The following S100A6 variants were observed in gnomAD, a reference collection of about 807,000 sequenced individuals.
S100A6 encodes the protein S100 calcium binding protein A6, also known as protein S100-A6.
Under a neutral mutation model 3.5 loss-of-function variants are expected in S100A6, and 3 were observed. The observed-to-expected ratio is 0.87, with a 90% CI of 0.39 to 2.24. The LOEUF is 2.24. Among genes scored for constraint, S100A6 ranks in the 30% most tolerant of loss-of-function variants. S100A6 has a pLI of 0.05. For synonymous variants in S100A6, 48 were observed against 45.2 expected, an observed-to-expected ratio of 1.06 and a Z score of -0.25; for missense variants, 114 against 105.3, an observed-to-expected ratio of 1.08 and a Z score of -0.36.
intron 2 of S100A6, 179 bp downstream of exon 2, chr1:153,535,023 G>C: frequency 9.1e-7 from 1 of 1,102,918 alleles, no homozygotes; most frequent in Non-Finnish European, 1.3e-6. Flanking sequence ...ATGGATATCC[G>C]GCTGGAAGCA....
At chr1:153,534,852 T>TCCA in intron 2 of S100A6, 22 bp from the exon 3 acceptor site, 2 of 1,605,018 alleles carry the variant, frequency 1.2e-6, no homozygotes, top group Non-Finnish European at 1.7e-6. Flanking sequence ...GAATGTGAAA[T>TCCA]CCATACTCAG....
intron 2 of S100A6, 121 bp downstream of exon 2, chr1:153,535,081 G>A (rs1313176253): frequency 2.2e-6 from 3 of 1,389,322 alleles, no homozygotes; most frequent in Non-Finnish European, 3.0e-6. Context: ...GTCTACATGT[G>A]GACCAGGGCC....
In S100A6 at chr1:153,535,292, G is replaced by A; in HGVS notation, c.48C>T (p.Phe16=). ...DQAIGLLVAI[F]HKYSGREGDK... ...CACCCTCCCTGCCGGAGTACTTGTG[G>A]AAGATGGCCACGAGGAGGCCAATGG... Residue 16 remains phenylalanine, a synonymous_variant, in exon 2 of 3, where the codon TTC becomes TTT. Transcript: ENST00000368719. The A allele has an allele frequency of 2.5e-6, 4 of 1,614,206 alleles. No individual in the cohort carries two copies. Among genetic ancestry groups the A allele is most frequent in the Non-Finnish European group, 1.7e-6 (2 of 1,180,040 alleles).
chr1:153,535,326 A>AG lies in S100A6; in HGVS notation c.13dup (p.Leu5ProfsTer21). ...CACGAGGAGGCCAATGGCCTGATCC[A>AG]GGGGGCATGCCATGGCTGAGGGCTG... On this transcript the variant is annotated frameshift_variant, in exon 2 of 3. Transcript: ENST00000368719. LOFTEE classifies it high-confidence loss of function. The AG allele has an allele frequency of 6.2e-7, 1 of 1,614,096 alleles. No homozygotes were observed. Among genetic ancestry groups the AG allele is most frequent in the South Asian group, 1.1e-5 (1 of 91,082 alleles).
At chr1:153,535,650 G>T (rs1398242561) in intron 1 of S100A6, 2 of 290,222 alleles carry the variant, frequency 6.9e-6, no homozygotes. Context: ...GGCTGGGCAG[G>T]GGAGGGGAAT....
chr1:153,534,809 C>T lies in S100A6; in HGVS notation c.160G>A (p.Ala54Thr). 1.2e-6 allele frequency: 2 copies of T among 1,613,454 alleles called. No individual in the cohort carries two copies. Among genetic ancestry groups the T allele is most frequent in the Non-Finnish European group, 1.7e-6 (2 of 1,179,850 alleles). Residue 54 changes from alanine to threonine, a missense_variant, in exon 3 of 3, where the codon GCA becomes ACA. Physicochemically the swap from Ala to Thr is moderately conservative, Grantham distance 58 (BLOSUM62 0). Coordinates refer to ENST00000368719, the MANE Select transcript of S100A6 (RefSeq NM_014624.4). ...IGSKLQDAEI[A>T]RLMEDLDRNK... is the part of the protein sequence containing the mutation. ...CGGTCCAAGTCTTCCATCAGCCTTG[C>T]AATTTCAGCATCCTGCAGCTTCTAA... is the stretch of plus-strand genomic sequence containing the variant.
Position 153,534,818 on chromosome 1 carries a change from C to T in S100A6, c.151G>A (p.Ala51Thr). 6.2e-7 allele frequency: 1 copy of T among 1,612,616 alleles called. No homozygotes were observed. The highest frequency in any genetic ancestry group is 8.5e-7 in the Non-Finnish European group (1 of 1,179,622). Residue 51 changes from alanine (A) to threonine (T), a missense_variant, in exon 3 of 3, where the codon GCT becomes ACT. By Grantham distance (58) the Ala-to-Thr change is moderately conservative (BLOSUM62 0). Coordinates refer to ENST00000368719, the MANE Select transcript of S100A6 (RefSeq NM_014624.4). ...TCTTCCATCAGCCTTGCAATTTCAG[C>T]ATCCTGCAGCTTCTAATGTGTTAGA... is the stretch of plus-strand genomic sequence containing the variant. ...ELTIGSKLQDAEIARLMEDLD... is the reference protein window; with the variant it reads ...ELTIGSKLQDTEIARLMEDLD...
intron 2 of S100A6, 99 bp from the exon 3 acceptor site, chr1:153,534,929 T>G: frequency 6.9e-7 from 1 of 1,449,592 alleles, no homozygotes; most frequent in Non-Finnish European, 9.4e-7. Context: ...AGTGGCTCTG[T>G]GCTCCCTCAT....
At chr1:153,535,646 G>A in intron 1 of S100A6, 1 of 291,094 alleles carries the variant, frequency 3.4e-6, no homozygotes, top group South Asian at 5.4e-5. Context: ...GTATGGCTGG[G>A]CAGGGGAGGG....
In S100A6 at chr1:153,534,696, T is replaced by G; in HGVS notation, c.273A>C (p.Ter91CysextTer2). 6.2e-7 allele frequency: 1 copy of G among 1,601,018 alleles called. No homozygotes were observed. Among genetic ancestry groups the G allele is most frequent in the Non-Finnish European group, 8.5e-7 (1 of 1,174,186 alleles). Residue 91 changes from the stop codon to cysteine (C), a stop_lost, in exon 3 of 3, where the codon TGA (stop) becomes TGC (cysteine). Transcript: ENST00000368719. ...GTGTCTCCATCTTCCCTATTTATTT[T>G]CAGCCCTTGAGGGCTTCATTGTAGA... ...ALIYNEALKG* is the reference protein window; with the variant it reads ...ALIYNEALKGC
chr1:153,535,294 A>C lies in S100A6; in HGVS notation c.46T>G (p.Phe16Val). Reference sequence around the variant, plus strand: ...CCCTCCCTGCCGGAGTACTTGTGGAAGATGGCCACGAGGAGGCCAATGGCC... The same window carrying C: ...CCCTCCCTGCCGGAGTACTTGTGGACGATGGCCACGAGGAGGCCAATGGCC... ...DQAIGLLVAI[F>V]HKYSGREGDK... Residue 16 changes from phenylalanine to valine, a missense_variant, in exon 2 of 3, where the codon TTC becomes GTC. Physicochemically the swap from Phe to Val is conservative, Grantham distance 50. Transcript: ENST00000368719. 1 of 1,614,174 alleles carries C rather than the reference A, an allele frequency of 6.2e-7. No homozygotes were observed. The highest frequency in any genetic ancestry group is 1.1e-5 in the South Asian group (1 of 91,082).
chr1:153,535,777 C>G (rs149917827), intron 1 of S100A6, 172 bp downstream of exon 1: 1 of 160,042 alleles, frequency 6.2e-6, no homozygotes, highest in African/African-American at 2.4e-5. Flanking sequence ...GATCCCTTAG[C>G]CCAAGGCCTG....
intron 2 of S100A6, 123 bp from the exon 3 acceptor site, chr1:153,534,953 T>A (rs1450654884): frequency 1.5e-6 from 2 of 1,318,070 alleles, no homozygotes; most frequent in Non-Finnish European, 2.1e-6. Context: ...CAAGGACCCA[T>A]GTCACTTTGG....
chr1:153,535,574 A>G (rs1344909629), intron 1 of S100A6, among the ~76,000 whole-genome samples: 3 of 152,242 alleles, frequency 2.0e-5, no homozygotes, highest in Admixed American at 1.3e-4. Flanking sequence ...TAAGAAGCAT[A>G]TAGGAACAGT....
intron 2 of S100A6, 142 bp from the exon 3 acceptor site, chr1:153,534,972 C>A: frequency 2.5e-6 from 3 of 1,192,610 alleles, no homozygotes; most frequent in Non-Finnish European, 3.5e-6. Flanking sequence ...GGCATTGCTT[C>A]TCCTCAGCTA....
In S100A6 at chr1:153,534,655, A is replaced by G; in HGVS notation, c.*41T>C. 6.5e-7 allele frequency: 1 copy of G among 1,534,336 alleles called. No homozygotes were observed. Among genetic ancestry groups the G allele is most frequent in the Non-Finnish European group, 8.8e-7 (1 of 1,142,182 alleles). On this transcript the variant is annotated 3_prime_UTR_variant, in exon 3 of 3. Transcript: ENST00000368719. ...TTACCCACCACTGGATTTGACTCAG[A>G]GAGGACCCCCAGAGGGTGTCTCCAT...
chr1:153,535,390 G>A, intron 1 of S100A6, 30 bp from the exon 2 acceptor site: 1 of 1,604,862 alleles, frequency 6.2e-7, no homozygotes. Context: ...TCAGTGCCAT[G>A]GGAGCAAGGA....
At chr1:153,534,962 G>T in intron 2 of S100A6, 132 bp from the exon 3 acceptor site, 1 of 1,257,154 alleles carries the variant, frequency 8.0e-7, no homozygotes, top group Non-Finnish European at 1.1e-6. Flanking sequence ...ATGTCACTTT[G>T]GCATTGCTTC....
chr1:153,535,107 A>G (rs750408505), intron 2 of S100A6, 95 bp downstream of exon 2: 273 of 1,537,890 alleles, frequency 1.8e-4, no homozygotes, highest in Non-Finnish European at 2.2e-4. Context: ...ATGTGGGTAA[A>G]TGTGAGTCAG....
Sources: gnomAD v4.1 joint callset for allele counts (sites outside exome capture counted in the v4.1 genomes callset) on GRCh38, gnomAD v4.1.1 for gene constraint, MANE v1.5 for transcripts, NCBI Gene and HGNC (gene_info 2026-07-23, HGNC 2026-07-21) for gene names.